Variants in PEBP4 observed in about 807,000 individuals in gnomAD.
PEBP4 encodes the protein phosphatidylethanolamine binding protein 4.
In PEBP4, 22 loss-of-function variants were observed where a neutral mutation model predicts 23.9. The observed-to-expected ratio is 0.92, with a 90% confidence interval of 0.66 to 1.31. The LOEUF (loss-of-function observed/expected upper bound fraction) is 1.31, where lower values mean the gene tolerates loss of function less well. Ranked by LOEUF, PEBP4 falls within the 40% of genes most tolerant of loss-of-function variation. The probability of loss-of-function intolerance (pLI) is 0.00; values close to 1 mark genes in which losing one functional copy is unlikely to be tolerated. For synonymous variants in PEBP4, 112 were observed against 99.3 expected (o/e 1.13, Z -0.76); for missense variants, 324 against 281.7 (o/e 1.15, Z -1.07).
chr8:22,940,521 C>T (rs1420111541), intron 1 of PEBP4, among the ~76,000 whole-genome samples: 1 of 91,112 alleles, frequency 1.1e-5, no homozygotes, highest in East Asian at 2.9e-4. Context: ...CGGAGTCTTG[C>T]TCTGTCACCC....
chr8:22,841,880 A>C (rs1229190244), intron 3 of PEBP4, among the ~76,000 whole-genome samples: 2 of 152,260 alleles, frequency 1.3e-5, no homozygotes, highest in Non-Finnish European at 2.9e-5. Context: ...GCAGAGAACC[A>C]TCGTAGGCCT....
At chr8:22,854,975 TGA>T (rs1323161667) in intron 3 of PEBP4, among the ~76,000 whole-genome samples, 1 of 140,562 alleles carries the variant, frequency 7.1e-6, no homozygotes, top group African/African-American at 2.6e-5. Context: ...CTTGTCCAAA[TGA>T]GTGTGTATGT....
At chr8:22,722,692 C>G (rs1483686312) in intron 6 of PEBP4, among the ~76,000 whole-genome samples, 1 of 152,202 alleles carries the variant, frequency 6.6e-6, no homozygotes, top group Non-Finnish European at 1.5e-5. Context: ...TCTGAAGTTC[C>G]CAGCACAGCG....
intron 3 of PEBP4, chr8:22,886,446 T>C (rs1331912591): frequency 3.9e-5 from 6 of 152,246 alleles, no homozygotes; most frequent in Admixed American, 3.3e-4. Flanking sequence ...ATCTTTAAAA[T>C]GCAGCTGAAA....
intron 3 of PEBP4, chr8:22,884,834 T>G (rs923470324): frequency 6.6e-6 from 1 of 152,250 alleles, no homozygotes; most frequent in African/African-American, 2.4e-5. Context: ...GGATCTGTCT[T>G]ATTCCCTTTA....
At chr8:22,790,666 G>T (rs1806119672) in intron 4 of PEBP4, among the ~76,000 whole-genome samples, 2 of 152,194 alleles carry the variant, frequency 1.3e-5, no homozygotes, top group African/African-American at 4.8e-5. Context: ...TGAAGGCTCA[G>T]TGTTCTAGTT....
chr8:22,763,435 G>A (rs1332421973), intron 4 of PEBP4, among the ~76,000 whole-genome samples: 1 of 152,204 alleles, frequency 6.6e-6, no homozygotes. Flanking sequence ...TCACTGTGTA[G>A]CTCTCATGGT....
intron 3 of PEBP4, 99 bp from the exon 4 acceptor site, chr8:22,817,834 C>T: frequency 9.4e-7 from 1 of 1,066,862 alleles, no homozygotes; most frequent in Non-Finnish European, 1.4e-6. Context: ...CCGAGAATGG[C>T]TGAGTAGCCC....
rs7011608 is a variant in PEBP4, at chr8:22,861,897, T to C, written c.259-44162A>G. Reference sequence around the variant, plus strand: ...ATCTTGCGCTTTAGCGATAAGATCTTAGGAGCAATTTGTGAGGAGAGTTTG... The same window carrying C: ...ATCTTGCGCTTTAGCGATAAGATCTCAGGAGCAATTTGTGAGGAGAGTTTG... On this transcript the variant is annotated intron_variant, in intron 3 of 6. Transcript: ENST00000256404. 5.1e-3 allele frequency among the ~76,000 whole-genome samples: 784 copies of C among 152,268 alleles called. 9 individuals carry two copies. The highest frequency in any genetic ancestry group is 0.018 in the African/African-American group (749 of 41,556).
chr8:22,837,271 T>A (rs1199374891), intron 3 of PEBP4, among the ~76,000 whole-genome samples: 1 of 152,204 alleles, frequency 6.6e-6, no homozygotes, highest in Non-Finnish European at 1.5e-5. Flanking sequence ...AGATGCTTGC[T>A]TACCATCAGA....
chr8:22,817,756 A>T, intron 3 of PEBP4, 21 bp from the exon 4 acceptor site: 1 of 1,604,958 alleles, frequency 6.2e-7, no homozygotes, highest in Non-Finnish European at 8.5e-7. Context: ...TGTACCGAAA[A>T]GTAATGTAGC....
chr8:22,898,195 C>A (rs13438942), intron 3 of PEBP4, among the ~76,000 whole-genome samples: 1 of 151,700 alleles, frequency 6.6e-6, no homozygotes, highest in Non-Finnish European at 1.5e-5. Context: ...AGTTTGAGAC[C>A]GGCTTGGCCA....
At chr8:22,934,266 T>C (rs904323601) in intron 1 of PEBP4, among the ~76,000 whole-genome samples, 2 of 152,164 alleles carry the variant, frequency 1.3e-5, no homozygotes, top group African/African-American at 4.8e-5. Flanking sequence ...TCTTTGTTAG[T>C]GGGTATATAA....
At chr8:22,875,232 T>A (rs139134065) in intron 3 of PEBP4, among the ~76,000 whole-genome samples, 49 of 152,260 alleles carry the variant, frequency 3.2e-4, no homozygotes, top group Non-Finnish European at 6.5e-4. Context: ...AACTCACTCC[T>A]TCCTCTCTCT....
chr8:22,882,576 A>G (rs1335977229), intron 3 of PEBP4, among the ~76,000 whole-genome samples: 2 of 152,218 alleles, frequency 1.3e-5, no homozygotes, highest in African/African-American at 4.8e-5. Context: ...CCGGAGAGAA[A>G]GCAGCCGCAA....
Position 22,725,042 on chromosome 8 carries a change from C to T in PEBP4, c.404-86G>A, listed in dbSNP as rs1260039115. 11 of 1,184,798 alleles carry T rather than the reference C, an allele frequency of 9.3e-6. 2 individuals are homozygous for T. The highest frequency in any genetic ancestry group is 1.2e-6 in the Non-Finnish European group (1 of 802,306). 73.4% of individuals were successfully genotyped at this position (1,184,798 alleles called of 1,614,324 possible). On this transcript the variant is annotated intron_variant, in intron 5 of 6. Coordinates refer to ENST00000256404, the MANE Select transcript of PEBP4 (RefSeq NM_144962.3). ...CTCTGCCTTCCCATGGTCCTGCTGA[C>T]CTCCCTGGGGCCCCAGATCAGCACT...
In PEBP4 at chr8:22,920,812, C is replaced by T. The variant is rs374024639; in HGVS notation, c.132-502G>A. On this transcript the variant is annotated intron_variant, in intron 2 of 6. Transcript: ENST00000256404. Reference sequence around the variant, plus strand: ...TCTCCCCTAAACAATCAAGAGCTCCCCATGCCTGAAATCCCACCATTAGGT... The same window carrying T: ...TCTCCCCTAAACAATCAAGAGCTCCTCATGCCTGAAATCCCACCATTAGGT... Among the ~76,000 whole-genome samples the T allele has an allele frequency of 1.8e-4, 28 of 152,356 alleles. No individual in the cohort carries two copies. In the South Asian group the frequency reaches 5.6e-3, roughly 30 times the overall value.
At chr8:22,738,161 A>G (rs1161813617) in intron 4 of PEBP4, among the ~76,000 whole-genome samples, 1 of 152,208 alleles carries the variant, frequency 6.6e-6, no homozygotes, top group Non-Finnish European at 1.5e-5. Flanking sequence ...CATCATGTTT[A>G]TTAATAACCC....
chr8:22,841,139 A>C (rs1404997770), intron 3 of PEBP4, among the ~76,000 whole-genome samples: 2 of 152,258 alleles, frequency 1.3e-5, no homozygotes, highest in African/African-American at 2.4e-5. Context: ...GAGAAAACTG[A>C]GGCTTAGGGA....
Sources: allele counts gnomAD v4.1 joint callset (sites outside exome capture counted in the v4.1 genomes callset), GRCh38; gene constraint gnomAD v4.1.1; transcripts MANE v1.5; gene names NCBI Gene and HGNC (gene_info 2026-07-23, HGNC 2026-07-21).